WDR27: variants seen among roughly 807,000 people sequenced by gnomAD.
WDR27 encodes the protein WD repeat-containing protein 27.
In WDR27, 100 loss-of-function variants were observed where a neutral mutation model predicts 114.4. The ratio of observed to expected loss-of-function variants is 0.87; its 90% CI spans 0.74 to 1.03. The LOEUF is 1.03. Ranked by LOEUF, WDR27 falls within the 50% of genes least tolerant of loss-of-function variation. The probability of loss-of-function intolerance (pLI) is 0.00; values close to 1 mark genes in which losing one functional copy is unlikely to be tolerated. For synonymous variants in WDR27, 449 were observed against 423.1 expected (o/e 1.06, Z -0.75); for missense variants, 1,129 against 1,092.9 (o/e 1.03, Z -0.47).
chr6:169,563,147 A>G (rs972633726), intron 25 of WDR27, among the ~76,000 whole-genome samples: 1 of 152,070 alleles, frequency 6.6e-6, no homozygotes, highest in Non-Finnish European at 1.5e-5. Flanking sequence ...GCACATGGAG[A>G]AAGGTTTCCT....
chr6:169,598,125 C>G (rs147590322), intron 23 of WDR27, among the ~76,000 whole-genome samples: 1 of 152,232 alleles, frequency 6.6e-6, no homozygotes, highest in Non-Finnish European at 1.5e-5. Flanking sequence ...TAGTGCTGAA[C>G]CTGAATATGA....
At chr6:169,516,964 T>A (rs1273309869) in intron 25 of WDR27, among the ~76,000 whole-genome samples, 1 of 152,070 alleles carries the variant, frequency 6.6e-6, no homozygotes, top group East Asian at 1.9e-4. Context: ...TATTTTGCAA[T>A]GTGAGAAGGA....
chr6:169,613,806 A>C, intron 21 of WDR27, 150 bp from the exon 22 acceptor site: 1 of 666,894 alleles, frequency 1.5e-6, no homozygotes, highest in Non-Finnish European at 2.5e-6. Flanking sequence ...TTGGACTCCA[A>C]AAACTTCTAC....
At chr6:169,621,415 C>G (rs1232676488) in intron 21 of WDR27, among the ~76,000 whole-genome samples, 1 of 150,890 alleles carries the variant, frequency 6.6e-6, no homozygotes, top group South Asian at 2.1e-4. Flanking sequence ...CCTATACATA[C>G]ACACACGCGC....
intron 25 of WDR27, among the ~76,000 whole-genome samples, chr6:169,536,103 A>G (rs1434767837): frequency 6.6e-6 from 1 of 152,194 alleles, no homozygotes; most frequent in Non-Finnish European, 1.5e-5. Context: ...GTGCCAACAG[A>G]AAAAAATAGG....
At chr6:169,540,481 G>A (rs1259577554) in intron 25 of WDR27, among the ~76,000 whole-genome samples, 1 of 150,946 alleles carries the variant, frequency 6.6e-6, no homozygotes, top group Non-Finnish European at 1.5e-5. Context: ...CCAGGCTGGA[G>A]TGCAGTGGCG....
At chr6:169,433,808 T>C in the WDR27 span, among the ~76,000 whole-genome samples, 3 of 152,262 alleles carry the variant, frequency 2.0e-5, no homozygotes, top group Admixed American at 6.5e-5. Context: ...TGGTATCTCA[T>C]TGTGGTTTTG....
At chr6:169,643,829 A>G in intron 16 of WDR27, 43 bp from the exon 17 acceptor site, 2 of 1,515,770 alleles carry the variant, frequency 1.3e-6, no homozygotes, top group Admixed American at 1.8e-5. Context: ...GAAAAGCCTA[A>G]TTCATAGGAG....
chr6:169,526,801 G>A (rs1376801278), intron 25 of WDR27, among the ~76,000 whole-genome samples: 1 of 151,984 alleles, frequency 6.6e-6, no homozygotes, highest in African/African-American at 2.4e-5. Context: ...AATGATTAAA[G>A]CTCAAAAATA....
chr6:169,616,719 A>G (rs921342560), intron 21 of WDR27, among the ~76,000 whole-genome samples: 2 of 152,234 alleles, frequency 1.3e-5, no homozygotes, highest in African/African-American at 4.8e-5. Context: ...AAAACAAACC[A>G]TAGTGTCCAG....
intron 1 of WDR27, among the ~76,000 whole-genome samples, chr6:169,693,217 T>C (rs1038175108): frequency 6.6e-6 from 1 of 152,110 alleles, no homozygotes; most frequent in African/African-American, 2.4e-5. Context: ...GATTGTCAGC[T>C]AAGAATTTTG....
intron 23 of WDR27, among the ~76,000 whole-genome samples, chr6:169,596,492 T>C (rs1247107208): frequency 2.0e-5 from 3 of 152,122 alleles, no homozygotes; most frequent in Non-Finnish European, 4.4e-5. Flanking sequence ...GTTTTATGTG[T>C]TTTCTTAACT....
chr6:169,694,515 T>C (rs908703389), intron 1 of WDR27, among the ~76,000 whole-genome samples: 8 of 152,210 alleles, frequency 5.3e-5, no homozygotes, highest in African/African-American at 1.9e-4. Context: ...GATTATAATA[T>C]GAAATGTAGC....
At chr6:169,499,913 A>G (rs1051993006) in intron 25 of WDR27, among the ~76,000 whole-genome samples, 6 of 152,166 alleles carry the variant, frequency 3.9e-5, no homozygotes, top group African/African-American at 1.4e-4. Context: ...GTGCACAGCC[A>G]TAGGAGATTG....
chr6:169,445,597 T>A, the WDR27 span, among the ~76,000 whole-genome samples: 1 of 152,124 alleles, frequency 6.6e-6, no homozygotes, highest in South Asian at 2.1e-4. Flanking sequence ...CAAACGAAAA[T>A]CTAAAAACAA....
intron 23 of WDR27, among the ~76,000 whole-genome samples, chr6:169,597,932 G>A (rs1284767342): frequency 6.8e-6 from 1 of 146,588 alleles, no homozygotes. Context: ...GCATCCCTCT[G>A]TATGGCCTTT....
intron 25 of WDR27, among the ~76,000 whole-genome samples, chr6:169,463,312 G>C (rs1278702408): frequency 6.6e-6 from 1 of 152,170 alleles, no homozygotes; most frequent in Non-Finnish European, 1.5e-5. Flanking sequence ...TCATAAGCTA[G>C]GCACTTCTTA....
intron 1 of WDR27, among the ~76,000 whole-genome samples, chr6:169,699,778 T>C (rs1787359355): frequency 6.6e-6 from 1 of 151,852 alleles, no homozygotes; most frequent in Non-Finnish European, 1.5e-5. Flanking sequence ...GCCCAGGAGT[T>C]CAAGACCAGC....
chr6:169,687,153 A>C (rs1783204890), intron 2 of WDR27, among the ~76,000 whole-genome samples: 1 of 152,206 alleles, frequency 6.6e-6, no homozygotes, highest in Admixed American at 6.5e-5. Context: ...TGTTACCAAC[A>C]CAATAAAAAG....
Sources: allele counts gnomAD v4.1 joint callset (sites outside exome capture counted in the v4.1 genomes callset), GRCh38; gene constraint gnomAD v4.1.1; transcripts MANE v1.5; gene names NCBI Gene and HGNC (gene_info 2026-07-23, HGNC 2026-07-21).